PTCHD4: variants seen among roughly 807,000 people sequenced by gnomAD.
The protein encoded by PTCHD4 is patched domain containing 4.
PTCHD4 carries 33 observed loss-of-function variants against 58.1 expected under a neutral mutation model. That is an observed-to-expected ratio of 0.57 (90% CI 0.43 to 0.76). The LOEUF (loss-of-function observed/expected upper bound fraction) is 0.76, where lower values mean the gene tolerates loss of function less well. Ranked by LOEUF, PTCHD4 falls within the 30% of genes least tolerant of loss-of-function variation. The pLI is 0.00. For synonymous variants in PTCHD4, 478 were observed against 409.6 expected (o/e 1.17, Z -2.02); for missense variants, 1,058 against 1,027.1 (o/e 1.03, Z -0.41).
chr6:47,989,525 G>T (rs1264800409), intron 4 of PTCHD4, among the ~76,000 whole-genome samples: 1 of 152,162 alleles, frequency 6.6e-6, no homozygotes, highest in Non-Finnish European at 1.5e-5. Context: ...TGAAGTCTAG[G>T]TACTTGGTTC....
At chr6:47,971,658 A>G (rs1767517123) in intron 4 of PTCHD4, among the ~76,000 whole-genome samples, 1 of 152,202 alleles carries the variant, frequency 6.6e-6, no homozygotes, top group African/African-American at 2.4e-5. Context: ...ACATTTTCAG[A>G]TGCATGGATC....
At chr6:47,968,245 G>C (rs977393663) in intron 4 of PTCHD4, among the ~76,000 whole-genome samples, 6 of 152,054 alleles carry the variant, frequency 3.9e-5, no homozygotes, top group South Asian at 2.1e-4. Context: ...CTGGTCAATG[G>C]GGCAGTCAGA....
At chr6:47,891,193 G>A (rs1339382769) in intron 4 of PTCHD4, among the ~76,000 whole-genome samples, 1 of 141,552 alleles carries the variant, frequency 7.1e-6, no homozygotes, top group Non-Finnish European at 1.5e-5. Flanking sequence ...CTGCACTCCA[G>A]TCTGGGTGAC....
At chr6:47,956,482 G>A (rs1416050763) in intron 4 of PTCHD4, among the ~76,000 whole-genome samples, 3 of 151,600 alleles carry the variant, frequency 2.0e-5, no homozygotes, top group Admixed American at 1.3e-4. Context: ...CATCCAGGCT[G>A]GAGTGCAGTG....
chr6:48,023,414 A>G (rs965269488), intron 3 of PTCHD4, among the ~76,000 whole-genome samples: 4 of 152,192 alleles, frequency 2.6e-5, no homozygotes, highest in African/African-American at 9.7e-5. Flanking sequence ...TCTCCTTATA[A>G]TGAAAGCAGT....
intron 3 of PTCHD4, among the ~76,000 whole-genome samples, chr6:48,061,130 A>G (rs1350117274): frequency 1.3e-5 from 2 of 152,244 alleles, no homozygotes; most frequent in Admixed American, 1.3e-4. Context: ...TATAATATTA[A>G]CATAATTGGA....
rs148471239 is a variant in PTCHD4, at chr6:47,857,610, G to T, written c.*20693C>A. ...AGTGCTAACTCAATTTCATACCACCGCAAAACTATGGTAAACCATAGTGTT... is the reference window on the plus strand; with the variant it reads ...AGTGCTAACTCAATTTCATACCACCTCAAAACTATGGTAAACCATAGTGTT... On this transcript the variant is annotated 3_prime_UTR_variant, in exon 5 of 5. Transcript: ENST00000339488. 6.0e-4 allele frequency among the ~76,000 whole-genome samples: 91 copies of T among 151,970 alleles called. No individual in the cohort carries two copies. The highest frequency in any genetic ancestry group is 2.1e-3 in the African/African-American group (88 of 41,466).
intron 4 of PTCHD4, among the ~76,000 whole-genome samples, chr6:47,985,277 C>T (rs1011203894): frequency 2.0e-5 from 3 of 151,646 alleles, no homozygotes; most frequent in African/African-American, 7.3e-5. Flanking sequence ...AAAAAAAAGG[C>T]CACACAGCAC....
chr6:47,916,448 C>G (rs1034737568), intron 4 of PTCHD4, among the ~76,000 whole-genome samples: 1 of 152,024 alleles, frequency 6.6e-6, no homozygotes, highest in Non-Finnish European at 1.5e-5. Flanking sequence ...GCAGGATGGA[C>G]CATTTTGAGC....
intron 3 of PTCHD4, among the ~76,000 whole-genome samples, chr6:48,063,896 T>A (rs563416564): frequency 6.6e-6 from 1 of 152,300 alleles, no homozygotes; most frequent in South Asian, 2.1e-4. Flanking sequence ...CATGTTGGCT[T>A]AAGTTACTGT....
In PTCHD4 at chr6:47,974,518, T is replaced by TG. The variant is rs368730313; in HGVS notation, c.898+34115dup. 5.6e-3 allele frequency among the ~76,000 whole-genome samples: 854 copies of TG among 151,682 alleles called. 10 individuals carry two copies. The highest frequency in any genetic ancestry group is 0.018 in the African/African-American group (732 of 41,370). On this transcript the variant is annotated intron_variant, in intron 4 of 4. Transcript: ENST00000339488. Reference sequence around the variant, plus strand: ...ATTTGGAGCTGGGTTTTTGTTGTTGTGGGGGGGGCTGTCCTGTGCATTGTA... The same window carrying TG: ...ATTTGGAGCTGGGTTTTTGTTGTTGTGGGGGGGGGCTGTCCTGTGCATTGTA...
At chr6:47,933,723 A>T (rs2113910313) in intron 4 of PTCHD4, among the ~76,000 whole-genome samples, 1 of 152,288 alleles carries the variant, frequency 6.6e-6, no homozygotes, top group South Asian at 2.1e-4. Context: ...AGTACTAGTT[A>T]TTTATTGAGG....
intron 4 of PTCHD4, among the ~76,000 whole-genome samples, chr6:47,994,644 T>C (rs1235359967): frequency 1.3e-5 from 2 of 152,236 alleles, no homozygotes; most frequent in Admixed American, 6.5e-5. Flanking sequence ...TCACAAGATA[T>C]GAAACAGCCT....
At chr6:47,896,817 T>C (rs1764542172) in intron 4 of PTCHD4, among the ~76,000 whole-genome samples, 1 of 152,082 alleles carries the variant, frequency 6.6e-6, no homozygotes. Flanking sequence ...GGTTAAGAAA[T>C]GGAGGCTTGG....
chr6:47,895,145 A>AC (rs911922506), intron 4 of PTCHD4, among the ~76,000 whole-genome samples: 4 of 150,632 alleles, frequency 2.7e-5, no homozygotes, highest in African/African-American at 9.9e-5. Context: ...AAAAAAGAAA[A>AC]AAAAAGAAAC....
chr6:48,107,813 A>C (rs1257045147), intron 1 of PTCHD4, among the ~76,000 whole-genome samples: 1 of 152,238 alleles, frequency 6.6e-6, no homozygotes, highest in Non-Finnish European at 1.5e-5. Flanking sequence ...CACTTCTCAA[A>C]AGAAGACATT....
At chr6:48,080,906 T>C (rs543271836) in intron 1 of PTCHD4, among the ~76,000 whole-genome samples, 3 of 152,208 alleles carry the variant, frequency 2.0e-5, no homozygotes, top group Non-Finnish European at 2.9e-5. Context: ...GGCTTACCTT[T>C]CTTGTTTTTA....
intron 4 of PTCHD4, among the ~76,000 whole-genome samples, chr6:47,969,630 C>A (rs908673696): frequency 6.6e-6 from 1 of 151,958 alleles, no homozygotes; most frequent in Non-Finnish European, 1.5e-5. Context: ...ATGACCCCCC[C>A]CAAAAAATAA....
At chr6:48,048,060 G>T (rs1223440254) in intron 3 of PTCHD4, among the ~76,000 whole-genome samples, 2 of 143,962 alleles carry the variant, frequency 1.4e-5, no homozygotes, top group Admixed American at 7.0e-5. Context: ...AACAGAAATA[G>T]AAGTTCTAAG....
Sources: allele counts gnomAD v4.1 joint callset (sites outside exome capture counted in the v4.1 genomes callset), GRCh38; gene constraint gnomAD v4.1.1; transcripts MANE v1.5; gene names NCBI Gene and HGNC (gene_info 2026-07-23, HGNC 2026-07-21).